The following IFI27L1 variants were observed in gnomAD, a reference collection of about 807,000 sequenced individuals.
IFI27L1 encodes interferon alpha inducible protein 27 like 1.
In IFI27L1, 3 loss-of-function variants were observed where a neutral mutation model predicts 9.2. The ratio of observed to expected loss-of-function variants is 0.32; its 90% CI spans 0.15 to 0.84. The LOEUF is 0.84. IFI27L1 is among the 40% of genes least tolerant of loss of function. The pLI is 0.56. For missense variants in IFI27L1, 133 were observed against 134.2 expected (o/e 0.99, Z 0.05); for synonymous variants, 53 against 50.0 (o/e 1.06, Z -0.26).
chr14:94,096,837 G>A (rs760638667), intron 1 of IFI27L1, 50 bp from the exon 2 acceptor site: 1 of 996,974 alleles, frequency 1.0e-6, no homozygotes, highest in Admixed American at 2.0e-5. Flanking sequence ...CTTTATTAAT[G>A]CAGCTTTATT....
intron 2 of IFI27L1, chr14:94,097,524 A>G: frequency 1.5e-6 from 1 of 660,760 alleles, no homozygotes; most frequent in East Asian, 2.7e-5. Context: ...TGCTGAGAGG[A>G]TGGATTCCGG....
At chr14:94,097,837 A>G (rs1262449303) in intron 2 of IFI27L1, among the ~76,000 whole-genome samples, 1 of 152,172 alleles carries the variant, frequency 6.6e-6, no homozygotes, top group Non-Finnish European at 1.5e-5. Flanking sequence ...GGGAAATGGG[A>G]GTGCACTTGG....
chr14:94,102,487 ACT>A lies in IFI27L1; in HGVS notation c.239_240del (p.Ser80CysfsTer4). 1.9e-6 allele frequency: 3 copies of A among 1,585,480 alleles called. No individual in the cohort carries two copies. The highest frequency in any genetic ancestry group is 2.6e-6 in the Non-Finnish European group (3 of 1,166,000). On this transcript the variant is annotated frameshift_variant, in exon 5 of 5. Coordinates refer to ENST00000555523, the MANE Select transcript of IFI27L1 (RefSeq NM_206949.3). LOFTEE classifies it low-confidence loss of function (END_TRUNC). ...AILQSVGAAG[L>X]SVTSKVIGGF... The stretch of plus-strand genomic sequence containing the variant: ...TCTCTTCTCCCCCAGGGGCAGCTGG[ACT>A]CTCTGTGACATCTAAAGTTATCGGG...
chr14:94,101,288 T>C (rs912168499), intron 3 of IFI27L1: 1 of 232,744 alleles, frequency 4.3e-6, no homozygotes, highest in African/African-American at 2.2e-5. Context: ...TAAACGTGGC[T>C]ACCCTAGTAG....
chr14:94,097,820 T>A, intron 2 of IFI27L1: 2 of 638,424 alleles, frequency 3.1e-6, no homozygotes, highest in Non-Finnish European at 2.8e-6. Flanking sequence ...AGGGACAGCT[T>A]CCAGAGGGGA....
intron 1 of IFI27L1, among the ~76,000 whole-genome samples, chr14:94,092,620 T>C (rs1011209242): frequency 6.6e-6 from 1 of 152,212 alleles, no homozygotes; most frequent in Non-Finnish European, 1.5e-5. Flanking sequence ...TACAAATTCT[T>C]GTTAAAGAGA....
chr14:94,096,424 A>G (rs2139271509), intron 1 of IFI27L1, among the ~76,000 whole-genome samples: 1 of 152,326 alleles, frequency 6.6e-6, no homozygotes, highest in Middle Eastern at 3.4e-3. Context: ...AGCCGGGTGC[A>G]GTGGCTCACA....
chr14:94,086,919 T>G, intron 1 of IFI27L1, among the ~76,000 whole-genome samples: 1 of 152,210 alleles, frequency 6.6e-6, no homozygotes, highest in East Asian at 1.9e-4. Flanking sequence ...TTCCCACTTT[T>G]GCTGTGTCAA....
In IFI27L1 at chr14:94,097,046, T is replaced by G. The variant is rs1200537045; in HGVS notation, c.28+81T>G. The G allele has an allele frequency of 6.2e-6, 7 of 1,122,804 alleles. No homozygotes were observed. The Admixed American group carries it at 1.1e-4, about 18-fold the overall frequency. 69.6% of individuals were successfully genotyped at this position (1,122,804 alleles called of 1,614,324 possible). ...TGTGTCCCACTCTTCTGACACCAGA[T>G]TATGTCAACCCCAAATAACAGAGAG... On this transcript the variant is annotated intron_variant, in intron 2 of 4. Coordinates refer to ENST00000555523, the MANE Select transcript of IFI27L1 (RefSeq NM_206949.3).
At chr14:94,098,562 G>A (rs924836776) in intron 2 of IFI27L1, among the ~76,000 whole-genome samples, 1 of 152,152 alleles carries the variant, frequency 6.6e-6, no homozygotes, top group Non-Finnish European at 1.5e-5. Flanking sequence ...TTCGGGTGAT[G>A]CAATTCAACC....
intron 2 of IFI27L1, chr14:94,097,695 G>A (rs1018438918): frequency 5.8e-5 from 41 of 702,106 alleles, no homozygotes; most frequent in Middle Eastern, 2.3e-4. Context: ...AAGCATTCAC[G>A]GATAGATTGC....
chr14:94,101,137 A>G (rs967851136), intron 3 of IFI27L1: 1 of 437,100 alleles, frequency 2.3e-6, no homozygotes, highest in Non-Finnish European at 4.1e-6. Flanking sequence ...CTCATTCCTC[A>G]AAAGTATTTG....
rs903877635 is a variant in IFI27L1 at position 94,102,205 on chromosome 14, G to A, written c.223+230G>A. The A allele has an allele frequency of 1.2e-4, 73 of 607,250 alleles. No homozygotes were observed. In the African/African-American group the frequency reaches 1.3e-3, roughly 11 times the overall value. The allele number at this position is 607,250 out of a possible 1,614,324, so 37.6% of individuals were successfully genotyped here. On this transcript the variant is annotated intron_variant, in intron 4 of 4. Coordinates refer to ENST00000555523, the MANE Select transcript of IFI27L1 (RefSeq NM_206949.3). ...CAGGCAGGTCTCCTCCCCTCTCTGGGCCTTTGGAAGATAAGGAACCTGCCA... is the reference window on the plus strand; with the variant it reads ...CAGGCAGGTCTCCTCCCCTCTCTGGACCTTTGGAAGATAAGGAACCTGCCA...
At chr14:94,101,412 C>T in intron 3 of IFI27L1, 1 of 250,010 alleles carries the variant, frequency 4.0e-6, no homozygotes, top group South Asian at 7.5e-5. Flanking sequence ...GCCTTCAGGG[C>T]CTCCATCCCC....
intron 1 of IFI27L1, among the ~76,000 whole-genome samples, chr14:94,093,568 A>G (rs567017671): frequency 6.6e-6 from 1 of 152,186 alleles, no homozygotes; most frequent in Admixed American, 6.5e-5. Context: ...TAGCTGACAA[A>G]TGGCATGGAG....
intron 1 of IFI27L1, among the ~76,000 whole-genome samples, chr14:94,087,893 C>T (rs1886335926): frequency 6.6e-6 from 1 of 152,186 alleles, no homozygotes; most frequent in Admixed American, 6.5e-5. Context: ...ACCAAATAAG[C>T]TTTCACTACA....
At chr14:94,083,890 G>C (rs2141444049) in intron 1 of IFI27L1, among the ~76,000 whole-genome samples, 1 of 152,242 alleles carries the variant, frequency 6.6e-6, no homozygotes, top group South Asian at 2.1e-4. Context: ...TGGAGTGTGA[G>C]TCCAGCATGG....
chr14:94,093,864 A>G (rs1339989552), intron 1 of IFI27L1, among the ~76,000 whole-genome samples: 1 of 152,180 alleles, frequency 6.6e-6, no homozygotes, highest in Admixed American at 6.5e-5. Context: ...CTTGGTAAAT[A>G]TGTTTTGAAT....
intron 1 of IFI27L1, among the ~76,000 whole-genome samples, chr14:94,095,368 A>G (rs1273078228): frequency 2.6e-5 from 4 of 152,136 alleles, no homozygotes; most frequent in Non-Finnish European, 5.9e-5. Context: ...ATTTCTTTTT[A>G]TGAAATACTC....
Sources: gnomAD v4.1 joint callset for allele counts (sites outside exome capture counted in the v4.1 genomes callset) on GRCh38, gnomAD v4.1.1 for gene constraint, MANE v1.5 for transcripts, NCBI Gene and HGNC (gene_info 2026-07-23, HGNC 2026-07-21) for gene names.